KBTBD7: variants seen among roughly 807,000 people sequenced by gnomAD.
KBTBD7 encodes kelch repeat and BTB domain containing 7.
In KBTBD7, 25 loss-of-function variants were observed where a neutral mutation model predicts 50.3. That is an observed-to-expected ratio of 0.50 (90% CI 0.36 to 0.69). The LOEUF (loss-of-function observed/expected upper bound fraction) is 0.69. Ranked by LOEUF, KBTBD7 falls within the 30% of genes least tolerant of loss-of-function variation. The pLI, the probability that KBTBD7 is intolerant of heterozygous loss-of-function variation, is 0.00. For missense variants in KBTBD7, 653 were observed against 869.5 expected (o/e 0.75, Z 3.13); for synonymous variants, 305 against 325.3 (o/e 0.94, Z 0.67).
rs1390269767 is a variant in KBTBD7, at chr13:41,194,489, C to T, written c.-232G>A. ...CGCCCTTTCTCCGCCTCCGCTCGCC[C>T]TCACAGGACCCGCTGGCTTGCAGCC... On this transcript the variant is annotated 5_prime_UTR_variant, in exon 1 of 1. Coordinates refer to ENST00000379483, the MANE Select transcript of KBTBD7 (RefSeq NM_032138.7). The T allele has an allele frequency of 5.0e-6, 3 of 595,404 alleles. No individual in the cohort carries two copies. Among genetic ancestry groups the T allele is most frequent in the East Asian group, 3.0e-5 (1 of 33,742 alleles). 36.9% of individuals were successfully genotyped at this position (595,404 alleles called of 1,614,324 possible).
At position 41,192,764 on chromosome 13, in the gene KBTBD7, A is replaced by T; in HGVS notation, c.1494T>A (p.Asp498Glu). ...AVNSKRMLCY[D>E]PSHNMWLNCA... ...AGTTCAGCCACATATTGTGGCTAGG[A>T]TCATAGCAAAGCATGCGCTTACTGT... is the stretch of plus-strand genomic sequence containing the variant. The change falls in exon 1 of 1, where the codon GAT becomes GAA. Residue 498 changes from aspartate to glutamate, a missense_variant. Coordinates refer to ENST00000379483, the MANE Select transcript of KBTBD7 (RefSeq NM_032138.7). 4 of 1,614,192 alleles carry T rather than the reference A, an allele frequency of 2.5e-6. No homozygotes were observed. Among genetic ancestry groups the T allele is most frequent in the Non-Finnish European group, 3.4e-6 (4 of 1,180,008 alleles).
At position 41,194,285 on chromosome 13, in the gene KBTBD7, C is replaced by G. The variant is rs1393000713; in HGVS notation, c.-28G>C. ...TGGAGATGGCGACGGGCGCTGACGG[C>G]GAGAAAGGCTGCAGGACCAGGCTCT... On this transcript the variant is annotated 5_prime_UTR_variant, in exon 1 of 1. Transcript: ENST00000379483. 6.2e-7 allele frequency: 1 copy of G among 1,604,318 alleles called. No individual in the cohort carries two copies. Among genetic ancestry groups the G allele is most frequent in the Non-Finnish European group, 8.5e-7 (1 of 1,174,310 alleles).
Position 41,192,440 on chromosome 13 carries a change from C to T in KBTBD7, c.1818G>A (p.Gln606=), listed in dbSNP as rs1256052412. The T allele has an allele frequency of 1.2e-6, 2 of 1,614,096 alleles. No homozygotes were observed. The highest frequency in any genetic ancestry group is 2.2e-5 in the South Asian group (2 of 91,090). ...AAAGGCAAATAAAGCCAGAGTCAAA[C>T]TGCAAAAGGCCTAACATGGTACCTA... ...INIGTMLGLL[Q]FDSGFICLCA... The change falls in exon 1 of 1, where the codon CAG becomes CAA. Residue 606 remains glutamine (Q), a synonymous_variant. Coordinates refer to ENST00000379483, the MANE Select transcript of KBTBD7 (RefSeq NM_032138.7).
chr13:41,190,340 A>G lies in KBTBD7; in HGVS notation c.*1863T>C, dbSNP rs2031354933. 6.6e-6 allele frequency: 1 copy of G among 152,338 alleles called. No individual in the cohort carries two copies. The highest frequency in any genetic ancestry group is 1.9e-4 in the East Asian group (1 of 5,190). 9.4% of individuals were successfully genotyped at this position (152,338 alleles called of 1,614,324 possible). On this transcript the variant is annotated 3_prime_UTR_variant, in exon 1 of 1. Coordinates refer to ENST00000379483, the MANE Select transcript of KBTBD7 (RefSeq NM_032138.7). ...GGTCAGCCATCCTACTTCACTGGAA[A>G]TAACGTTAAACTTGTAGACTGTTCA...
Position 41,194,498 on chromosome 13 carries a change from C to G in KBTBD7, c.-241G>C, listed in dbSNP as rs983570824. 3.5e-6 allele frequency: 2 copies of G among 576,572 alleles called. No individual in the cohort carries two copies. Among genetic ancestry groups the G allele is most frequent in the Non-Finnish European group, 6.2e-6 (2 of 324,774 alleles). 35.7% of individuals were successfully genotyped at this position (576,572 alleles called of 1,614,324 possible). On this transcript the variant is annotated 5_prime_UTR_variant, in exon 1 of 1. Coordinates refer to ENST00000379483, the MANE Select transcript of KBTBD7 (RefSeq NM_032138.7). Reference sequence around the variant, plus strand: ...TCCGCCTCCGCTCGCCCTCACAGGACCCGCTGGCTTGCAGCCGCGGAAGCC... The same window carrying G: ...TCCGCCTCCGCTCGCCCTCACAGGAGCCGCTGGCTTGCAGCCGCGGAAGCC...
In KBTBD7 at chr13:41,194,485, C is replaced by T. The variant is rs975023157; in HGVS notation, c.-228G>A. 1.1e-5 allele frequency: 7 copies of T among 609,756 alleles called. No homozygotes were observed. Among genetic ancestry groups the T allele is most frequent in the Admixed American group, 3.1e-5 (1 of 31,920 alleles). The allele number at this position is 609,756 out of a possible 1,614,324, so 37.8% of individuals were successfully genotyped here. A position where few individuals can be genotyped will look rare whatever the true frequency, so the allele number is the denominator to read the frequency against. On this transcript the variant is annotated 5_prime_UTR_variant, in exon 1 of 1. Coordinates refer to ENST00000379483, the MANE Select transcript of KBTBD7 (RefSeq NM_032138.7). ...CCCGCGCCCTTTCTCCGCCTCCGCT[C>T]GCCCTCACAGGACCCGCTGGCTTGC...
Position 41,192,587 on chromosome 13 carries a change from G to T in KBTBD7, c.1671C>A (p.His557Gln), listed in dbSNP as rs1178198294. The T allele has an allele frequency of 4.3e-6, 7 of 1,614,178 alleles. No homozygotes were observed. Among genetic ancestry groups the T allele is most frequent in the Admixed American group, 1.7e-5 (1 of 60,026 alleles). The change falls in exon 1 of 1, where the codon CAC becomes CAA. Residue 557 changes from histidine (H) to glutamine (Q), a missense_variant. Around this residue, in one of 3 missense-constraint regions of KBTBD7, gnomAD observed 526 missense variants for 717.1 expected, o/e 0.73. Transcript: ENST00000379483. Reference sequence around the variant, plus strand: ...GGTCATGATTGACAATCTGGTAGTTGTGGGTCTCTGAATCCAAAGGAATAT... The same window carrying T: ...GGTCATGATTGACAATCTGGTAGTTTTGGGTCTCTGAATCCAAAGGAATAT... ...ISNIPLDSET[H>Q]NYQIVNHDQK...
At position 41,194,536 on chromosome 13, in the gene KBTBD7, C is replaced by G; in HGVS notation, c.-279G>C. On this transcript the variant is annotated 5_prime_UTR_variant, in exon 1 of 1. Coordinates refer to ENST00000379483, the MANE Select transcript of KBTBD7 (RefSeq NM_032138.7). ...AGCCGCGGAAGCCCCCACTGCCGCG[C>G]TGGCGATCCCGCTAGGCGCCCGGGA... 1 of 524,740 alleles carries G rather than the reference C, an allele frequency of 1.9e-6. No homozygotes were observed. The highest frequency in any genetic ancestry group is 3.3e-5 in the East Asian group (1 of 29,928). 32.5% of individuals were successfully genotyped at this position (524,740 alleles called of 1,614,324 possible). A position where few individuals can be genotyped will look rare whatever the true frequency, so the allele number is the denominator to read the frequency against.
In KBTBD7 at chr13:41,194,110, G is replaced by C. The variant is rs753127305; in HGVS notation, c.148C>G (p.Leu50Val). The C allele has an allele frequency of 1.7e-5, 28 of 1,614,114 alleles. No homozygotes were observed. The East Asian group carries it at 6.2e-4, about 36-fold the overall frequency. ...LKDTAHSAALLAQLKSFYDAR... is the reference protein window; with the variant it reads ...LKDTAHSAALVAQLKSFYDAR... The stretch of plus-strand genomic sequence containing the variant: ...TCGTAGAAGGACTTGAGCTGTGCCA[G>C]CAGGGCTGCAGAATGGGCCGTGTCC... Residue 50 changes from leucine to valine, a missense_variant, in exon 1 of 1, where the codon CTG (leucine) becomes GTG (valine). Physicochemically the swap from Leu to Val is conservative, Grantham distance 32. Around this residue, in one of 3 missense-constraint regions of KBTBD7, gnomAD observed 119 missense variants for 125.0 expected, o/e 0.95. Transcript: ENST00000379483.
At position 41,193,051 on chromosome 13, in the gene KBTBD7, T is replaced by C; in HGVS notation, c.1207A>G (p.Lys403Glu). ...GCTGGTTTATACACCCAGAGGTCTT[T>C]CCTGGGCTGAGCAGCTAGATAGATG... is the stretch of plus-strand genomic sequence containing the variant. Reference protein sequence around the residue: ...HDIYLAAQPRKDLWVYKPAQN... With the variant: ...HDIYLAAQPREDLWVYKPAQN... Residue 403 changes from lysine (K) to glutamate (E), a missense_variant, in exon 1 of 1, where the codon AAA becomes GAA. Physicochemically the swap from Lys to Glu is moderately conservative, Grantham distance 56. Around this residue, in one of 3 missense-constraint regions of KBTBD7, gnomAD observed 526 missense variants for 717.1 expected, o/e 0.73. Transcript: ENST00000379483. This position sits in a 1 kb window ranked among gnomAD's most constrained non-coding sequence, Gnocchi z 5.7. 1 of 1,614,210 alleles carries C rather than the reference T, an allele frequency of 6.2e-7. No individual in the cohort carries two copies. Among genetic ancestry groups the C allele is most frequent in the South Asian group, 1.1e-5 (1 of 91,080 alleles).
chr13:41,192,652 C>T lies in KBTBD7; in HGVS notation c.1606G>A (p.Val536Ile). 1 of 1,614,154 alleles carries T rather than the reference C, an allele frequency of 6.2e-7. No homozygotes were observed. The highest frequency in any genetic ancestry group is 8.5e-7 in the Non-Finnish European group (1 of 1,180,030). The change falls in exon 1 of 1, where the codon GTC becomes ATC. Residue 536 changes from valine (V) to isoleucine (I), a missense_variant. By Grantham distance (29) the Val-to-Ile change is conservative. This residue lies in a region of KBTBD7 where 526 missense variants were observed against 717.1 expected (regional missense o/e 0.73). Transcript: ENST00000379483. ...CATTCTCCCCTAGCTGGGTTGTAGACCTTCATGACTGGGATGTCACAGATA... is the reference window on the plus strand; with the variant it reads ...CATTCTCCCCTAGCTGGGTTGTAGATCTTCATGACTGGGATGTCACAGATA... Reference protein sequence around the residue: ...YCICDIPVMKVYNPARGEWRR... With the variant: ...YCICDIPVMKIYNPARGEWRR...
chr13:41,194,426 T>C lies in KBTBD7; in HGVS notation c.-169A>G, dbSNP rs2031481596. ...ATCCCGCGGTGAGGCCTCCCTTTAT[T>C]GCATAGACAGTGGCTGACTCACCCT... On this transcript the variant is annotated 5_prime_UTR_variant, in exon 1 of 1. Transcript: ENST00000379483. The C allele has an allele frequency of 1.2e-6, 1 of 847,704 alleles. No homozygotes were observed. The highest frequency in any genetic ancestry group is 1.8e-5 in the South Asian group (1 of 54,900). The allele number at this position is 847,704 out of a possible 1,614,324, so 52.5% of individuals were successfully genotyped here.
rs768893444 is a variant in KBTBD7 at position 41,193,400 on chromosome 13, G to A, written c.858C>T (p.Ile286=). Residue 286 remains isoleucine, a synonymous_variant, in exon 1 of 1, where the codon ATC becomes ATT. Transcript: ENST00000379483. The surrounding 1 kb of genome is among the most constrained non-coding windows in gnomAD (Gnocchi z 5.7). ...DYLEGLLTKP[I]VKKYCLDVIE... is the part of the protein sequence containing the mutation. ...TAACGTCCAGGCAGTACTTCTTCAC[G>A]ATGGGCTTGGTCAGCAGCCCTTCTA... 25 of 1,613,562 alleles carry A rather than the reference G, an allele frequency of 1.5e-5. No individual in the cohort carries two copies. Among genetic ancestry groups the A allele is most frequent in the Non-Finnish European group, 2.1e-5 (25 of 1,179,726 alleles).
At position 41,192,968 on chromosome 13, in the gene KBTBD7, C is replaced by T; in HGVS notation, c.1290G>A (p.Val430=). The part of the protein sequence containing the change: ...DRLLCREGMD[V]AYLNGYIYIL... ...TGTAGATGTAGCCATTGAGATATGC[C>T]ACATCCATGCCCTCACGACACAGCA... The change falls in exon 1 of 1, where the codon GTG becomes GTA. Residue 430 remains valine (V), a synonymous_variant. Coordinates refer to ENST00000379483, the MANE Select transcript of KBTBD7 (RefSeq NM_032138.7). The T allele has an allele frequency of 1.2e-6, 2 of 1,614,134 alleles. No homozygotes were observed. The highest frequency in any genetic ancestry group is 2.2e-5 in the South Asian group (2 of 91,080).
rs377194145 is a variant in KBTBD7 at position 41,192,165 on chromosome 13, C to A, written c.*38G>T. 6.5e-7 allele frequency: 1 copy of A among 1,550,170 alleles called. No individual in the cohort carries two copies. Among genetic ancestry groups the A allele is most frequent in the Admixed American group, 2.0e-5 (1 of 50,234 alleles). ...AACGATATGTGTTTAAAATACATTC[C>A]GTAGCAGTAGAAACATCTTAGTGTC... On this transcript the variant is annotated 3_prime_UTR_variant, in exon 1 of 1. Coordinates refer to ENST00000379483, the MANE Select transcript of KBTBD7 (RefSeq NM_032138.7).
Position 41,192,820 on chromosome 13 carries a change from T to A in KBTBD7, c.1438A>T (p.Ile480Leu). ...VPHSFYSFEL[I>L]VVQNYLYAVN... ...GCATAAAGATAGTTCTGAACCACTA[T>A]GAGTTCAAAGGAATAGAAGGAATGA... The change falls in exon 1 of 1, where the codon ATA (isoleucine) becomes TTA (leucine). Residue 480 changes from isoleucine to leucine, a missense_variant. Ile to Leu is a conservative substitution (Grantham distance 5, BLOSUM62 2). Coordinates refer to ENST00000379483, the MANE Select transcript of KBTBD7 (RefSeq NM_032138.7). 6.2e-7 allele frequency: 1 copy of A among 1,614,204 alleles called. No individual in the cohort carries two copies. The highest frequency in any genetic ancestry group is 8.5e-7 in the Non-Finnish European group (1 of 1,180,028).
In KBTBD7 at chr13:41,192,734, A is replaced by G; in HGVS notation, c.1524T>C (p.Ala508=). The G allele has an allele frequency of 1.2e-6, 2 of 1,614,216 alleles. No homozygotes were observed. The highest frequency in any genetic ancestry group is 1.7e-6 in the Non-Finnish European group (2 of 1,180,040). Residue 508 remains alanine, a synonymous_variant, in exon 1 of 1, where the codon GCT becomes GCC. Transcript: ENST00000379483. ...DPSHNMWLNC[A]SLKRSDFQEA... is the part of the protein sequence containing the mutation. ...CCTGAAAGTCACTACGTTTAAGAGA[A>G]GCACAGTTCAGCCACATATTGTGGC...
chr13:41,193,147 A>G lies in KBTBD7; in HGVS notation c.1111T>C (p.Ser371Pro). 6.2e-7 allele frequency: 1 copy of G among 1,614,210 alleles called. No homozygotes were observed. The highest frequency in any genetic ancestry group is 8.5e-7 in the Non-Finnish European group (1 of 1,180,032). The change falls in exon 1 of 1, where the codon TCC (serine) becomes CCC (proline). Residue 371 changes from serine (S) to proline (P), a missense_variant. Ser to Pro is a moderately conservative substitution (Grantham distance 74). This residue lies in a region of KBTBD7 where 526 missense variants were observed against 717.1 expected (regional missense o/e 0.73). Transcript: ENST00000379483. The surrounding 1 kb of genome is among the most constrained non-coding windows in gnomAD (Gnocchi z 5.7). ...PYSGDIYTMP[S>P]PLTSFAHTKT... Reference sequence around the variant, plus strand: ...GTGTGAGCAAAGCTGGTCAAAGGGGATGGCATTGTGTAAATGTCCCCCGAG... The same window carrying G: ...GTGTGAGCAAAGCTGGTCAAAGGGGGTGGCATTGTGTAAATGTCCCCCGAG...
In KBTBD7 at chr13:41,194,518, G is replaced by T; in HGVS notation, c.-261C>A. Reference sequence around the variant, plus strand: ...CAGGACCCGCTGGCTTGCAGCCGCGGAAGCCCCCACTGCCGCGCTGGCGAT... The same window carrying T: ...CAGGACCCGCTGGCTTGCAGCCGCGTAAGCCCCCACTGCCGCGCTGGCGAT... On this transcript the variant is annotated 5_prime_UTR_variant, in exon 1 of 1. Transcript: ENST00000379483. 2 of 540,508 alleles carry T rather than the reference G, an allele frequency of 3.7e-6. No individual in the cohort carries two copies. Among genetic ancestry groups the T allele is most frequent in the Non-Finnish European group, 6.7e-6 (2 of 298,082 alleles). The allele number at this position is 540,508 out of a possible 1,614,324, so 33.5% of individuals were successfully genotyped here.
Sources: gnomAD v4.1 joint callset for allele counts on GRCh38, gnomAD v4.1.1 for gene constraint, gnomAD v4.1.1 regional missense constraint, Gnocchi (gnomAD v3.1) non-coding constraint, MANE v1.5 for transcripts, NCBI Gene and HGNC (gene_info 2026-07-23, HGNC 2026-07-21) for gene names.